Variants in TTC39B observed in about 807,000 individuals in gnomAD.
The protein encoded by TTC39B is tetratricopeptide repeat domain 39B, also known as tetratricopeptide repeat protein 39B.
Under a neutral mutation model 96.6 loss-of-function variants are expected in TTC39B, and 92 were observed. The observed-to-expected ratio is 0.95, with a 90% CI of 0.80 to 1.13. The LOEUF is 1.13. TTC39B is among the 50% of genes most tolerant of loss of function. The probability of loss-of-function intolerance (pLI) is 0.00; values close to 1 mark genes in which losing one functional copy is unlikely to be tolerated. For missense variants in TTC39B, 955 were observed against 809.3 expected (o/e 1.18, Z -2.18); for synonymous variants, 367 against 299.4 (o/e 1.23, Z -2.33).
At chr9:15,225,979 A>C (rs986953320) in exon 3 of TTC39B, 1 of 1,614,000 alleles carries the variant, frequency 6.2e-7, no homozygotes, top group African/African-American at 1.3e-5. Flanking sequence ...ATGCAAAGTG[A>C]AGGCTGCTTG....
chr9:15,264,957 C>A (rs1823077411), intron 2 of TTC39B, among the ~76,000 whole-genome samples: 1 of 151,978 alleles, frequency 6.6e-6, no homozygotes, highest in South Asian at 2.1e-4. Flanking sequence ...TGTGCAAACA[C>A]AGGCATCTAG....
chr9:15,201,757 C>T (rs745646375), intron 7 of TTC39B, among the ~76,000 whole-genome samples: 4 of 151,994 alleles, frequency 2.6e-5, no homozygotes, highest in South Asian at 2.1e-4. Flanking sequence ...CTGTAAGGTG[C>T]GGGGGGCGGG....
intron 3 of TTC39B, among the ~76,000 whole-genome samples, chr9:15,216,483 T>C (rs1008588641): frequency 3.9e-5 from 6 of 152,154 alleles, no homozygotes; most frequent in African/African-American, 1.2e-4. Flanking sequence ...GAAGAGATCA[T>C]GTAAGAATGC....
At chr9:15,284,040 T>G (rs950556194) in intron 1 of TTC39B, among the ~76,000 whole-genome samples, 1 of 152,156 alleles carries the variant, frequency 6.6e-6, no homozygotes, top group Non-Finnish European at 1.5e-5. Context: ...TTAAGGCACT[T>G]TAACAGGCAA....
At chr9:15,281,428 G>A (rs58386207) in intron 1 of TTC39B, among the ~76,000 whole-genome samples, 19,767 of 151,668 alleles carry the variant, frequency 0.13, 2,457 homozygotes, top group African/African-American at 0.33. Context: ...TCCAAATACT[G>A]GACCACTCAT....
At chr9:15,304,179 T>G (rs1395533195) in intron 1 of TTC39B, among the ~76,000 whole-genome samples, 1 of 152,188 alleles carries the variant, frequency 6.6e-6, no homozygotes, top group African/African-American at 2.4e-5. Context: ...TAAAATGACT[T>G]CAAGATCAGG....
At chr9:15,165,450 T>C (rs1483813863) in exon 20 of TTC39B, 3 of 152,230 alleles carry the variant, frequency 2.0e-5, no homozygotes, top group Admixed American at 1.3e-4. Flanking sequence ...AATGTCTACA[T>C]GATTTCCAAA....
chr9:15,260,126 C>A (rs953127916), intron 2 of TTC39B, among the ~76,000 whole-genome samples: 1 of 152,100 alleles, frequency 6.6e-6, no homozygotes, highest in East Asian at 1.9e-4. Flanking sequence ...TAAAAAAATT[C>A]TCTGAGTGGA....
chr9:15,223,478 T>C (rs1177756913), intron 3 of TTC39B, among the ~76,000 whole-genome samples: 2 of 152,174 alleles, frequency 1.3e-5, no homozygotes, highest in African/African-American at 4.8e-5. Flanking sequence ...CACAACTTTG[T>C]GTTAAGAAGC....
At chr9:15,238,985 A>C (rs1821914076) in intron 2 of TTC39B, among the ~76,000 whole-genome samples, 1 of 152,180 alleles carries the variant, frequency 6.6e-6, no homozygotes, top group South Asian at 2.1e-4. Flanking sequence ...ACCCTGTCTC[A>C]AAAATAAGAA....
At chr9:15,253,484 G>A (rs968078067) in intron 2 of TTC39B, among the ~76,000 whole-genome samples, 27 of 152,220 alleles carry the variant, frequency 1.8e-4, no homozygotes, top group Non-Finnish European at 3.5e-4. Context: ...GGACACCTTG[G>A]TTTTGACCTA....
rs145137276 is a variant in TTC39B at position 15,271,887 on chromosome 9, C to G, written c.241-3939G>C. ...TGCTCATTTATATCTTTATGAGACT[C>G]TTATTTCCAATTCTGGGAAATTATA... On this transcript the variant is annotated intron_variant, in intron 1 of 19. Coordinates refer to ENST00000512701, the Ensembl canonical transcript of TTC39B. Among the ~76,000 whole-genome samples, 38 of 152,298 alleles carry G rather than the reference C, an allele frequency of 2.5e-4. No individual in the cohort carries two copies. The East Asian group carries it at 7.1e-3, about 29-fold the overall frequency.
intron 1 of TTC39B, among the ~76,000 whole-genome samples, chr9:15,291,738 G>A (rs967817557): frequency 6.6e-6 from 1 of 151,908 alleles, no homozygotes; most frequent in South Asian, 2.1e-4. Flanking sequence ...TCTCAAGTAG[G>A]ACAAAGAATT....
intron 1 of TTC39B, among the ~76,000 whole-genome samples, chr9:15,291,425 C>T (rs1187220821): frequency 2.0e-5 from 3 of 152,158 alleles, no homozygotes; most frequent in East Asian, 3.9e-4. Flanking sequence ...TTGCCATCTG[C>T]GATGATGGTG....
intron 1 of TTC39B, among the ~76,000 whole-genome samples, chr9:15,279,954 G>A (rs1220691295): frequency 1.4e-5 from 2 of 143,150 alleles, no homozygotes; most frequent in Non-Finnish European, 3.0e-5. Flanking sequence ...GGGGTGCAGT[G>A]GCATGATCTT....
chr9:15,195,739 T>TATC (rs1819128685), intron 8 of TTC39B, among the ~76,000 whole-genome samples: 1 of 151,438 alleles, frequency 6.6e-6, no homozygotes, highest in African/African-American at 2.4e-5. Flanking sequence ...TGTAGCAAGT[T>TATC]ATCCAGAATA....
chr9:15,249,221 G>C (rs946162955), intron 2 of TTC39B: 1 of 152,072 alleles, frequency 6.6e-6, no homozygotes. Context: ...GATGACTAAG[G>C]ACAGATGTTT....
At chr9:15,205,467 T>A (rs940269429) in intron 6 of TTC39B, among the ~76,000 whole-genome samples, 1 of 150,228 alleles carries the variant, frequency 6.7e-6, no homozygotes, top group Non-Finnish European at 1.5e-5. Context: ...CATATTCCAA[T>A]GTTTAATTTA....
chr9:15,274,876 A>G (rs1823482484), intron 1 of TTC39B, among the ~76,000 whole-genome samples: 1 of 152,218 alleles, frequency 6.6e-6, no homozygotes, highest in Non-Finnish European at 1.5e-5. Flanking sequence ...GCAAAACAAC[A>G]GTAAAATCAT....
Sources: allele counts gnomAD v4.1 joint callset (sites outside exome capture counted in the v4.1 genomes callset), GRCh38; gene constraint gnomAD v4.1.1; transcripts MANE v1.5; gene names NCBI Gene and HGNC (gene_info 2026-07-23, HGNC 2026-07-21).